Variants in GPHN observed in about 807,000 individuals in gnomAD.
GPHN encodes the protein gephyrin.
In GPHN, 17 loss-of-function variants were observed where a neutral mutation model predicts 95.5. The ratio of observed to expected loss-of-function variants is 0.18; its 90% CI spans 0.12 to 0.27. GPHN has a LOEUF of 0.27. Among genes scored for constraint, GPHN ranks in the 10% least tolerant of loss-of-function variants. GPHN has a pLI of 1.00. For missense variants in GPHN, 660 were observed against 978.1 expected (o/e 0.67, Z 4.34); for synonymous variants, 320 against 322.5 (o/e 0.99, Z 0.08).
chr14:66,620,032 G>T (rs1054810627), intron 1 of GPHN, among the ~76,000 whole-genome samples: 1 of 152,108 alleles, frequency 6.6e-6, no homozygotes, highest in African/African-American at 2.4e-5. Context: ...TATGGAGTGG[G>T]TGTGGAGGGA....
chr14:66,691,304 C>T (rs1414586853), intron 2 of GPHN, among the ~76,000 whole-genome samples: 1 of 152,058 alleles, frequency 6.6e-6, no homozygotes, highest in Non-Finnish European at 1.5e-5. Context: ...CCTGCCTCAG[C>T]CTCCCGAGTA....
At chr14:67,225,951 G>GTGTGTGTGTGTT in the GPHN span, among the ~76,000 whole-genome samples, 1 of 138,180 alleles carries the variant, frequency 7.2e-6, no homozygotes, top group Non-Finnish European at 1.5e-5. Context: ...GTGTGTGTGT[G>GTGTGTGTGTGTT]TGTGTGTGTG....
At chr14:67,156,259 C>T (rs1291146597) in intron 18 of GPHN, among the ~76,000 whole-genome samples, 1 of 151,894 alleles carries the variant, frequency 6.6e-6, no homozygotes, top group Non-Finnish European at 1.5e-5. Context: ...ATATTGTCAA[C>T]ATAGTATATG....
At chr14:67,061,510 A>C (rs1010368972) in intron 11 of GPHN, among the ~76,000 whole-genome samples, 1 of 152,154 alleles carries the variant, frequency 6.6e-6, no homozygotes, top group African/African-American at 2.4e-5. Flanking sequence ...CATAACCTCA[A>C]GATAAAATTC....
At chr14:67,123,336 A>T (rs769589127) in intron 17 of GPHN, among the ~76,000 whole-genome samples, 1 of 152,204 alleles carries the variant, frequency 6.6e-6, no homozygotes, top group Non-Finnish European at 1.5e-5. Flanking sequence ...CTGACAAGGC[A>T]TGCTGTGAAC....
the GPHN span, chr14:67,674,257 G>C: frequency 7.5e-6 from 7 of 929,732 alleles, no homozygotes; most frequent in Admixed American, 1.8e-4. Context: ...CCTAGGGGGC[G>C]TGTCTGAGGA....
At chr14:66,969,035 G>C (rs906526062) in intron 9 of GPHN, 1 of 151,246 alleles carries the variant, frequency 6.6e-6, no homozygotes, top group Admixed American at 6.6e-5. Flanking sequence ...GTTTTTTTTG[G>C]TACCCTCATT....
chr14:67,027,319 G>A (rs1231993412), intron 10 of GPHN, among the ~76,000 whole-genome samples: 4 of 152,112 alleles, frequency 2.6e-5, no homozygotes, highest in African/African-American at 9.7e-5. Flanking sequence ...GTAGGACAGC[G>A]TTTTAATAGC....
chr14:67,080,766 C>T (rs577067945), intron 11 of GPHN, among the ~76,000 whole-genome samples: 2 of 152,180 alleles, frequency 1.3e-5, no homozygotes, highest in East Asian at 3.9e-4. Context: ...TGCCTCCGAC[C>T]CTTTCCCCCA....
chr14:67,572,040 G>T, the GPHN span: 1 of 1,489,508 alleles, frequency 6.7e-7, no homozygotes, highest in Admixed American at 2.1e-5. Flanking sequence ...CCCAGAGACC[G>T]GGTCCCGGGT....
At chr14:67,479,683 A>T in the GPHN span, among the ~76,000 whole-genome samples, 1 of 152,118 alleles carries the variant, frequency 6.6e-6, no homozygotes. Context: ...GCGCCACTGC[A>T]CTCTAGCCTA....
the GPHN span, chr14:67,338,592 GGT>G: frequency 6.2e-7 from 1 of 1,603,558 alleles, no homozygotes; most frequent in Admixed American, 1.7e-5. Flanking sequence ...CCAGTGTTAG[GGT>G]TTCTCAAAGA....
chr14:67,606,303 A>C, the GPHN span, among the ~76,000 whole-genome samples: 1 of 152,182 alleles, frequency 6.6e-6, no homozygotes, highest in Non-Finnish European at 1.5e-5. Flanking sequence ...AGAACAGTAG[A>C]GCTTAATATT....
chr14:67,178,225 C>T (rs900535863), intron 21 of GPHN, among the ~76,000 whole-genome samples: 2 of 152,140 alleles, frequency 1.3e-5, no homozygotes, highest in African/African-American at 4.8e-5. Flanking sequence ...ATGTTTAGTG[C>T]TTCCTTCAGG....
chr14:66,976,894 T>C (rs918118194), intron 9 of GPHN, among the ~76,000 whole-genome samples: 1 of 110,438 alleles, frequency 9.1e-6, no homozygotes, highest in Non-Finnish European at 1.7e-5. Context: ...ATAAAATAAA[T>C]ACATGCAGCA....
At chr14:66,508,668 C>T in intron 1 of GPHN, 77 bp downstream of exon 1, 1 of 1,274,504 alleles carries the variant, frequency 7.8e-7, no homozygotes, top group East Asian at 2.3e-5. Context: ...TGTGGTGGCC[C>T]TTCTCTGCGG....
intron 5 of GPHN, among the ~76,000 whole-genome samples, chr14:66,885,838 T>TAAAAAAAAAAAAA (rs33968959): frequency 7.3e-6 from 1 of 137,874 alleles, no homozygotes. Flanking sequence ...TATAACAATT[T>TAAAAAAAAAAAAA]AAAAAAAAAA....
chr14:66,576,785 TGCTG>T (rs1481799010), intron 1 of GPHN, among the ~76,000 whole-genome samples: 1 of 152,202 alleles, frequency 6.6e-6, no homozygotes, highest in Non-Finnish European at 1.5e-5. Flanking sequence ...TTTTAGTGAG[TGCTG>T]GCTATCTTCT....
chr14:67,278,837 GA>G, the GPHN span, among the ~76,000 whole-genome samples: 2 of 152,058 alleles, frequency 1.3e-5, no homozygotes, highest in Admixed American at 1.3e-4. Flanking sequence ...CTTTTTGGGG[GA>G]GGGGGGAATC....
Sources: gnomAD v4.1 joint callset for allele counts (sites outside exome capture counted in the v4.1 genomes callset) on GRCh38, gnomAD v4.1.1 for gene constraint, MANE v1.5 for transcripts, NCBI Gene and HGNC (gene_info 2026-07-23, HGNC 2026-07-21) for gene names.